The following ZNF780A variants were observed in gnomAD, a reference collection of about 807,000 sequenced individuals.
ZNF780A encodes zinc finger protein 780A.
In ZNF780A, 40 loss-of-function variants were observed where a neutral mutation model predicts 56.7. That is an observed-to-expected ratio of 0.71 (90% CI 0.55 to 0.92). The LOEUF is 0.92. ZNF780A is among the 40% of genes least tolerant of loss of function. The pLI is 0.00. For synonymous variants in ZNF780A, 231 were observed against 248.3 expected, an observed-to-expected ratio of 0.93 and a Z score of 0.66; for missense variants, 672 against 783.3, an observed-to-expected ratio of 0.86 and a Z score of 1.70.
In ZNF780A at chr19:40,076,001, T is replaced by G. The variant is rs766236311; in HGVS notation, c.441A>C (p.Lys147Asn). The stretch of plus-strand genomic sequence containing the variant: ...AAGCATGAGGAGTATGAGTAGGCAG[T>G]TTTTCATAGCTGATCATCTTTTGAT... ...NINQKMISYE[K>N]LPTHTPHASL... Residue 147 changes from lysine (K) to asparagine (N), a missense_variant, in exon 6 of 6, where the codon AAA becomes AAC. Transcript: ENST00000683561. 2.5e-6 allele frequency: 4 copies of G among 1,613,338 alleles called. No homozygotes were observed. The highest frequency in any genetic ancestry group is 1.3e-5 in the African/African-American group (1 of 74,864).
At chr19:40,080,043 A>G (rs1316104370) in intron 5 of ZNF780A, among the ~76,000 whole-genome samples, 2 of 152,042 alleles carry the variant, frequency 1.3e-5, no homozygotes, top group African/African-American at 4.8e-5. Context: ...GAGAAGAAAT[A>G]AGCAAAATCA....
Position 40,075,534 on chromosome 19 carries a change from T to C in ZNF780A, c.908A>G (p.Lys303Arg), listed in dbSNP as rs1426055409. ...IQHQKIHSNE[K>R]PFVCKECGMA... ...CCCACATTCCTTACATACAAAGGGT[T>C]TCTCATTGGAATGAATTTTCTGATG... is the stretch of plus-strand genomic sequence containing the variant. The change falls in exon 6 of 6, where the codon AAA (lysine) becomes AGA (arginine). Residue 303 changes from lysine (K) to arginine (R), a missense_variant. Lys to Arg is a conservative substitution (Grantham distance 26, BLOSUM62 2). Transcript: ENST00000683561. 14 of 1,613,230 alleles carry C rather than the reference T, an allele frequency of 8.7e-6. No homozygotes were observed. The East Asian group carries it at 2.2e-4, about 26-fold the overall frequency.
intron 2 of ZNF780A, among the ~76,000 whole-genome samples, 156 bp downstream of exon 2, chr19:40,090,010 T>G (rs24137): frequency 0.094 from 14,281 of 152,198 alleles, 1,202 homozygotes; most frequent in East Asian, 0.22. Flanking sequence ...TGTGAACGAT[T>G]TGCCAAATTG....
rs7258778 is a variant in ZNF780A at position 40,085,373 on chromosome 19, T to A, written c.-45-575A>T. The A allele has an allele frequency of 3.1e-6, 3 of 979,780 alleles. No individual in the cohort carries two copies. The African/African-American group carries it at 5.3e-5, about 17-fold the overall frequency. The allele number at this position is 979,780 out of a possible 1,614,324, so 60.7% of individuals were successfully genotyped here. ...AGTTCAGAACATCCACTTAATAGAA[T>A]ACAAAGTAAATATTAAACGTTCAAG... On this transcript the variant is annotated intron_variant, in intron 2 of 5. Coordinates refer to ENST00000683561, the MANE Select transcript of ZNF780A (RefSeq NM_001142578.2).
intron 2 of ZNF780A, chr19:40,085,311 A>T: frequency 3.0e-6 from 3 of 985,450 alleles, no homozygotes; most frequent in Non-Finnish European, 3.6e-6. Flanking sequence ...GACAGTGTTC[A>T]GCATTCTAAA....
chr19:40,074,608 G>T lies in ZNF780A; in HGVS notation c.1834C>A (p.Pro612Thr), dbSNP rs777421693. 6.2e-7 allele frequency: 1 copy of T among 1,613,792 alleles called. No homozygotes were observed. The highest frequency in any genetic ancestry group is 8.5e-7 in the Non-Finnish European group (1 of 1,179,878). Residue 612 changes from proline (P) to threonine (T), a missense_variant, in exon 6 of 6, where the codon CCC becomes ACC. Coordinates refer to ENST00000683561, the MANE Select transcript of ZNF780A (RefSeq NM_001142578.2). ...TTTCCACATTCCTTACATTCAAAGG[G>T]TTTCTCACCAGTATGCAATTTCTGA... Reference protein sequence around the residue: ...RHQKLHTGEKPFECKECGKVF... With the variant: ...RHQKLHTGEKTFECKECGKVF...
In ZNF780A at chr19:40,074,352, A is replaced by G; in HGVS notation, c.*164T>C. 6.5e-7 allele frequency: 1 copy of G among 1,528,934 alleles called. No homozygotes were observed. Among genetic ancestry groups the G allele is most frequent in the Non-Finnish European group, 8.7e-7 (1 of 1,143,250 alleles). 94.7% of individuals were successfully genotyped at this position (1,528,934 alleles called of 1,614,324 possible). A position where few individuals can be genotyped will look rare whatever the true frequency, so the allele number is the denominator to read the frequency against. On this transcript the variant is annotated 3_prime_UTR_variant, in exon 6 of 6. Coordinates refer to ENST00000683561, the MANE Select transcript of ZNF780A (RefSeq NM_001142578.2). ...GTCGTCCTCCACTCCTTGCATACAA[A>G]GAGTTTCTCACTGGAATGAATTTTC...
In ZNF780A at chr19:40,081,847, T is replaced by TA; in HGVS notation, c.203dup (p.Arg69LysfsTer18). 1 of 1,612,642 alleles carries TA rather than the reference T, an allele frequency of 6.2e-7. No homozygotes were observed. The highest frequency in any genetic ancestry group is 1.1e-5 in the South Asian group (1 of 91,060). ...GATACCGTCTGCTTGTTTCTTTCCT[T>TA]ACAACCATCCAGGGCTCTTTCTCTT... On this transcript the variant is annotated frameshift_variant, in exon 5 of 6. Coordinates refer to ENST00000683561, the MANE Select transcript of ZNF780A (RefSeq NM_001142578.2). LOFTEE classifies it high-confidence loss of function.
At chr19:40,085,677 C>T (rs1030185859) in intron 2 of ZNF780A, among the ~76,000 whole-genome samples, 14 of 151,894 alleles carry the variant, frequency 9.2e-5, no homozygotes, top group African/African-American at 2.7e-4. Context: ...GTCAGGAGAT[C>T]GAGACCAACC....
intron 2 of ZNF780A, 61 bp downstream of exon 2, chr19:40,090,104 GA>G (rs1331899973): frequency 6.6e-6 from 1 of 152,136 alleles, no homozygotes; most frequent in Non-Finnish European, 1.5e-5. Context: ...AATTTAAGGG[GA>G]AATCTCAATA....
intron 5 of ZNF780A, 55 bp from the exon 6 acceptor site, chr19:40,076,264 A>G: frequency 6.8e-7 from 1 of 1,481,024 alleles, no homozygotes; most frequent in Non-Finnish European, 9.0e-7. Flanking sequence ...ACACATGCAT[A>G]CAAAGTCCTT....
At chr19:40,089,491 T>A in intron 2 of ZNF780A, 1 of 372,264 alleles carries the variant, frequency 2.7e-6, no homozygotes, top group Non-Finnish European at 4.9e-6. Flanking sequence ...CATTATTATA[T>A]GCCTAGCACT....
At chr19:40,072,830 T>C (rs1247585599), downstream of ZNF780A, 3 of 1,527,784 alleles carry the variant, frequency 2.0e-6, no homozygotes, top group South Asian at 2.5e-5. Context: ...TTGATTCTAA[T>C]ACCTACCAAA....
At position 40,075,957 on chromosome 19, in the gene ZNF780A, T is replaced by G; in HGVS notation, c.485A>C (p.His162Pro). ...TPHASLICNTHKPYECKECGK... is the reference protein window; with the variant it reads ...TPHASLICNTPKPYECKECGK... ...ACATTCCTTACATTCATACGGTTTA[T>G]GTGTATTGCAAATAAGAGAAGCATG... Residue 162 changes from histidine (H) to proline (P), a missense_variant, in exon 6 of 6, where the codon CAT (histidine) becomes CCT (proline). Coordinates refer to ENST00000683561, the MANE Select transcript of ZNF780A (RefSeq NM_001142578.2). 1 of 1,613,718 alleles carries G rather than the reference T, an allele frequency of 6.2e-7. No individual in the cohort carries two copies.
intron 5 of ZNF780A, among the ~76,000 whole-genome samples, chr19:40,081,458 AACAG>A (rs984934017): frequency 1.3e-5 from 2 of 151,792 alleles, no homozygotes; most frequent in Admixed American, 6.6e-5. Context: ...GCTTGAACCC[AACAG>A]ACAGAGGTTG....
At position 40,075,823 on chromosome 19, in the gene ZNF780A, G is replaced by T. The variant is rs1974098434; in HGVS notation, c.619C>A (p.Gln207Lys). Residue 207 changes from glutamine to lysine, a missense_variant, in exon 6 of 6, where the codon CAA becomes AAA. Coordinates refer to ENST00000683561, the MANE Select transcript of ZNF780A (RefSeq NM_001142578.2). The stretch of plus-strand genomic sequence containing the variant: ...TGAAATTTCTGATGTCGAGTAAATT[G>T]TATGTGAAGTCGAAAGGCTTTCCCA... The part of the protein sequence containing the change: ...ECGKAFRLHI[Q>K]FTRHQKFHTG... 3 of 1,613,812 alleles carry T rather than the reference G, an allele frequency of 1.9e-6. No individual in the cohort carries two copies. Among genetic ancestry groups the T allele is most frequent in the Admixed American group, 1.7e-5 (1 of 59,990 alleles).
chr19:40,082,051 G>T, intron 4 of ZNF780A, 137 bp from the exon 5 acceptor site: 1 of 533,830 alleles, frequency 1.9e-6, no homozygotes, highest in Non-Finnish European at 3.3e-6. Flanking sequence ...AGAGTGAGAG[G>T]TTGAGTAAGA....
At chr19:40,089,549 T>TTTA (rs1225301815) in intron 2 of ZNF780A, 56 of 241,382 alleles carry the variant, frequency 2.3e-4, no homozygotes, top group Non-Finnish European at 1.6e-5. Context: ...ACAGAACCAA[T>TTTA]ATTCCAACCC....
chr19:40,072,698 C>G (rs1973877567), downstream of ZNF780A: 9 of 955,390 alleles, frequency 9.4e-6, no homozygotes, highest in Non-Finnish European at 1.1e-5. Flanking sequence ...GAGAAATGTT[C>G]TAGGTCAGTG....
Sources: gnomAD v4.1 joint callset for allele counts (sites outside exome capture counted in the v4.1 genomes callset) on GRCh38, gnomAD v4.1.1 for gene constraint, MANE v1.5 for transcripts, NCBI Gene and HGNC (gene_info 2026-07-23, HGNC 2026-07-21) for gene names.